STAU2: variants seen among roughly 807,000 people sequenced by gnomAD.
The protein encoded by STAU2 is staufen double-stranded RNA binding protein 2.
Under a neutral mutation model 65.9 loss-of-function variants are expected in STAU2, and 20 were observed. The ratio of observed to expected loss-of-function variants is 0.30; its 90% CI spans 0.21 to 0.44. The LOEUF is 0.44. STAU2 is among the 20% of genes least tolerant of loss of function. The pLI is 1.00. For synonymous variants in STAU2, 232 were observed against 233.9 expected, an observed-to-expected ratio of 0.99 and a Z score of 0.07; for missense variants, 558 against 683.9, an observed-to-expected ratio of 0.82 and a Z score of 2.05.
At chr8:73,532,150 T>C (rs1805861529) in intron 13 of STAU2, among the ~76,000 whole-genome samples, 1 of 152,178 alleles carries the variant, frequency 6.6e-6, no homozygotes, top group Admixed American at 6.5e-5. Flanking sequence ...GTCATAAGAC[T>C]GATGAAACAT....
At chr8:73,548,433 T>C (rs1402384753) in intron 13 of STAU2, among the ~76,000 whole-genome samples, 1 of 151,954 alleles carries the variant, frequency 6.6e-6, no homozygotes, top group Non-Finnish European at 1.5e-5. Flanking sequence ...CTATACTAAG[T>C]CATATTGTTA....
intron 13 of STAU2, among the ~76,000 whole-genome samples, chr8:73,433,805 T>C (rs887741259): frequency 2.0e-5 from 3 of 151,796 alleles, no homozygotes; most frequent in African/African-American, 7.3e-5. Flanking sequence ...GCCTGGCCTA[T>C]TTAATTATTT....
intron 13 of STAU2, among the ~76,000 whole-genome samples, chr8:73,469,371 G>A (rs1819848431): frequency 6.6e-6 from 1 of 151,876 alleles, no homozygotes; most frequent in Non-Finnish European, 1.5e-5. Flanking sequence ...GAGTTAATGG[G>A]TGCAGCACAC....
chr8:73,433,654 C>G (rs1350221070), intron 13 of STAU2, among the ~76,000 whole-genome samples: 1 of 151,688 alleles, frequency 6.6e-6, no homozygotes, highest in Non-Finnish European at 1.5e-5. Flanking sequence ...GCGTGCATCA[C>G]TATGCCTGAG....
intron 13 of STAU2, among the ~76,000 whole-genome samples, chr8:73,491,415 C>T (rs918031179): frequency 1.3e-5 from 2 of 151,946 alleles, no homozygotes; most frequent in African/African-American, 4.8e-5. Flanking sequence ...TGCCTATTTT[C>T]TCAACAGGTG....
At chr8:73,584,676 G>A (rs1810237165) in intron 11 of STAU2, among the ~76,000 whole-genome samples, 1 of 152,054 alleles carries the variant, frequency 6.6e-6, no homozygotes, top group African/African-American at 2.4e-5. Context: ...GAGCAAAAAA[G>A]TTACAGATTA....
At position 73,421,326 on chromosome 8, in the gene STAU2, G is replaced by A. The variant is rs925107577; in HGVS notation, c.*46C>T. On this transcript the variant is annotated 3_prime_UTR_variant, in exon 15 of 15. Transcript: ENST00000524300. ...GAACACAGACACCCTCATGCGTGCT[G>A]ACAGGTTTATAAGGATGCGGTGGCA... The A allele has an allele frequency of 1.1e-5, 17 of 1,497,668 alleles. No individual in the cohort carries two copies. Among genetic ancestry groups the A allele is most frequent in the African/African-American group, 1.4e-5 (1 of 72,232 alleles). 92.8% of individuals were successfully genotyped at this position (1,497,668 alleles called of 1,614,324 possible). A position where few individuals can be genotyped will look rare whatever the true frequency, so the allele number is the denominator to read the frequency against.
chr8:73,738,201 A>G, intron 3 of STAU2, 83 bp downstream of exon 3: 1 of 1,271,126 alleles, frequency 7.9e-7, no homozygotes, highest in South Asian at 1.2e-5. Context: ...ACAGTTATAG[A>G]AAAGAAAAGC....
At chr8:73,725,296 T>C (rs183434832) in intron 3 of STAU2, among the ~76,000 whole-genome samples, 9 of 152,340 alleles carry the variant, frequency 5.9e-5, no homozygotes. Flanking sequence ...AGGCTTACTA[T>C]TTTTATTTTG....
At chr8:73,431,382 C>G (rs951516934) in intron 13 of STAU2, among the ~76,000 whole-genome samples, 3 of 152,152 alleles carry the variant, frequency 2.0e-5, no homozygotes, top group Non-Finnish European at 4.4e-5. Flanking sequence ...ATAAAAGGTA[C>G]ATCTAAAGCA....
At chr8:73,674,009 C>T (rs766760670) in intron 5 of STAU2, among the ~76,000 whole-genome samples, 9 of 148,628 alleles carry the variant, frequency 6.1e-5, no homozygotes, top group South Asian at 4.2e-4. Context: ...TAATGTTAAA[C>T]GAAAAAAAGC....
At chr8:73,452,940 A>T (rs991523877) in intron 13 of STAU2, among the ~76,000 whole-genome samples, 2 of 152,246 alleles carry the variant, frequency 1.3e-5, no homozygotes, top group Non-Finnish European at 2.9e-5. Context: ...GTTTAGAAAC[A>T]ATAAAATGTA....
At chr8:73,557,184 G>C (rs1317523822) in intron 12 of STAU2, among the ~76,000 whole-genome samples, 2 of 152,176 alleles carry the variant, frequency 1.3e-5, no homozygotes, top group Admixed American at 6.5e-5. Context: ...ACACTCAAGA[G>C]AGGCATTACC....
intron 13 of STAU2, among the ~76,000 whole-genome samples, chr8:73,497,460 C>A (rs1821485353): frequency 7.0e-6 from 1 of 142,160 alleles, no homozygotes; most frequent in African/African-American, 2.5e-5. Context: ...ATAAATATTG[C>A]AATTCTTGGC....
chr8:73,727,527 G>A (rs1340318550), intron 3 of STAU2, among the ~76,000 whole-genome samples: 1 of 152,196 alleles, frequency 6.6e-6, no homozygotes, highest in African/African-American at 2.4e-5. Context: ...AGGTTCATCT[G>A]CATCGTAGCA....
At chr8:73,610,831 C>T (rs1224493321) in intron 9 of STAU2, among the ~76,000 whole-genome samples, 2 of 152,130 alleles carry the variant, frequency 1.3e-5, no homozygotes, top group Non-Finnish European at 2.9e-5. Context: ...AACAGGATAA[C>T]CCTATACAGT....
intron 13 of STAU2, among the ~76,000 whole-genome samples, chr8:73,448,277 T>G (rs1052442333): frequency 6.6e-6 from 1 of 151,714 alleles, no homozygotes; most frequent in Non-Finnish European, 1.5e-5. Context: ...ATTTTAACGT[T>G]TGCTAAAAGG....
chr8:73,716,880 G>C (rs536950046), intron 3 of STAU2, among the ~76,000 whole-genome samples: 13 of 152,230 alleles, frequency 8.5e-5, no homozygotes, highest in African/African-American at 3.1e-4. Context: ...AAGGCAGGTG[G>C]ATCGTTTTAG....
At chr8:73,738,940 A>G (rs992914521) in intron 2 of STAU2, among the ~76,000 whole-genome samples, 4 of 152,196 alleles carry the variant, frequency 2.6e-5, no homozygotes, top group African/African-American at 9.7e-5. Flanking sequence ...CAGTATAAAA[A>G]TAGTATGTAT....
Sources: gnomAD v4.1 joint callset for allele counts (sites outside exome capture counted in the v4.1 genomes callset) on GRCh38, gnomAD v4.1.1 for gene constraint, MANE v1.5 for transcripts, NCBI Gene and HGNC (gene_info 2026-07-23, HGNC 2026-07-21) for gene names.